ESRRB: variants seen among roughly 807,000 people sequenced by gnomAD.
The protein encoded by ESRRB is estrogen related receptor beta.
In ESRRB, 16 loss-of-function variants were observed where a neutral mutation model predicts 46.0. That is an observed-to-expected ratio of 0.35 (90% CI 0.24 to 0.53). The LOEUF is 0.53. Ranked by LOEUF, ESRRB falls within the 20% of genes least tolerant of loss-of-function variation. ESRRB has a pLI of 0.93. For missense variants in ESRRB, 488 were observed against 607.4 expected (o/e 0.80, Z 2.07); for synonymous variants, 246 against 259.6 (o/e 0.95, Z 0.50).
intron 1 of ESRRB, 103 bp from the exon 2 acceptor site, chr14:76,439,238 C>T: frequency 1.5e-6 from 2 of 1,322,180 alleles, no homozygotes; most frequent in Non-Finnish European, 2.2e-6. Flanking sequence ...CGCACCAAAG[C>T]CTTAGCATAG....
At position 76,498,170 on chromosome 14, in the gene ESRRB, C is replaced by T. The variant is rs370823314; in HGVS notation, c.1121-44C>T. On this transcript the variant is annotated intron_variant, in intron 6 of 6. Coordinates refer to ENST00000644823, the MANE Select transcript of ESRRB (RefSeq NM_001379180.1). Reference sequence around the variant, plus strand: ...CCAAGATGGCCCCCACACCAGGCAGCACTCCCTGGCCAAGCCTGCTAATGC... The same window carrying T: ...CCAAGATGGCCCCCACACCAGGCAGTACTCCCTGGCCAAGCCTGCTAATGC... The T allele has an allele frequency of 4.8e-5, 77 of 1,612,372 alleles. No homozygotes were observed. The African/African-American group carries it at 9.1e-4, about 19-fold the overall frequency.
chr14:76,334,465 C>T (rs1028538717), intron 1 of ESRRB, among the ~76,000 whole-genome samples: 11 of 152,196 alleles, frequency 7.2e-5, no homozygotes, highest in African/African-American at 2.2e-4. Flanking sequence ...CGCTCACAGC[C>T]GCCTGGGAAG....
chr14:76,379,212 A>T (rs1031482385), intron 1 of ESRRB, among the ~76,000 whole-genome samples: 1 of 152,044 alleles, frequency 6.6e-6, no homozygotes, highest in Non-Finnish European at 1.5e-5. Context: ...TACCCATTCT[A>T]ATCAATATTT....
At position 76,491,488 on chromosome 14, in the gene ESRRB, CAG is replaced by C; in HGVS notation, c.895_896del (p.Ser299CysfsTer18). The C allele has an allele frequency of 6.2e-7, 1 of 1,606,188 alleles. No homozygotes were observed. The highest frequency in any genetic ancestry group is 8.5e-7 in the Non-Finnish European group (1 of 1,176,790). On this transcript the variant is annotated frameshift_variant, in exon 6 of 7. Coordinates refer to ENST00000644823, the MANE Select transcript of ESRRB (RefSeq NM_001379180.1). LOFTEE classifies it high-confidence loss of function. ...CCTGGGGGACCAGATGAGCCTGCTG[CAG>C]AGTGCCTGGATGGAAATCCTCATCC... ...LSLGDQMSLLQSAWMEILILG... is the reference protein window; with the variant it reads ...LSLGDQMSLLXSAWMEILILG...
intron 1 of ESRRB, among the ~76,000 whole-genome samples, chr14:76,406,544 G>A (rs754141513): frequency 1.3e-5 from 2 of 152,090 alleles, no homozygotes; most frequent in African/African-American, 2.4e-5. Context: ...AGGAGTTAGA[G>A]ACCAGCCTAG....
chr14:76,379,712 G>A (rs1048925376), intron 1 of ESRRB, among the ~76,000 whole-genome samples: 14 of 152,110 alleles, frequency 9.2e-5, no homozygotes, highest in African/African-American at 2.9e-4. Flanking sequence ...GGAGGGCCCC[G>A]GTCCCGGGTA....
chr14:76,439,305 C>G, intron 1 of ESRRB, 36 bp from the exon 2 acceptor site: 2 of 1,612,862 alleles, frequency 1.2e-6, no homozygotes, highest in South Asian at 1.1e-5. Flanking sequence ...ACCCACAGCA[C>G]CTTGCTGGGG....
chr14:76,372,582 A>T (rs1165467297), upstream of ESRRB, among the ~76,000 whole-genome samples: 4 of 152,140 alleles, frequency 2.6e-5, no homozygotes, highest in African/African-American at 9.7e-5. Context: ...CTATAATTCC[A>T]GCACTTTGGG....
At chr14:76,426,923 C>T (rs1887228129) in intron 1 of ESRRB, among the ~76,000 whole-genome samples, 1 of 152,170 alleles carries the variant, frequency 6.6e-6, no homozygotes, top group Non-Finnish European at 1.5e-5. Context: ...GAATGAGTGA[C>T]AGTGTGTGAG....
At chr14:76,391,354 A>G (rs758762887) in intron 1 of ESRRB, among the ~76,000 whole-genome samples, 42 of 152,208 alleles carry the variant, frequency 2.8e-4, no homozygotes, top group Admixed American at 8.5e-4. Context: ...GACCTTTGCC[A>G]TCAGGAGGGG....
At chr14:76,324,432 C>A (rs1489380679) in intron 1 of ESRRB, among the ~76,000 whole-genome samples, 2 of 152,150 alleles carry the variant, frequency 1.3e-5, no homozygotes, top group Admixed American at 1.3e-4. Context: ...CCAGAGGGAT[C>A]TGAGCAGAGC....
In ESRRB at chr14:76,462,429, A is replaced by G. The variant is rs10137295; in HGVS notation, c.461-116A>G. On this transcript the variant is annotated intron_variant, in intron 2 of 6. Coordinates refer to ENST00000644823, the MANE Select transcript of ESRRB (RefSeq NM_001379180.1). ...ACCTCAGAGCACCTGCTTTGAGAAC[A>G]CTAGGGGGGAGTGGCAGCTCTGGCA... 235,621 of 746,678 alleles carry G rather than the reference A, an allele frequency of 0.32. 39,785 individuals carry two copies. The highest frequency in any genetic ancestry group is 0.56 in the African/African-American group (32,366 of 57,782). The allele number at this position is 746,678 out of a possible 1,614,324, so 46.3% of individuals were successfully genotyped here. A position where few individuals can be genotyped will look rare whatever the true frequency, so the allele number is the denominator to read the frequency against.
chr14:76,336,183 G>A (rs1385197913), intron 1 of ESRRB, among the ~76,000 whole-genome samples: 2 of 152,178 alleles, frequency 1.3e-5, no homozygotes, highest in Non-Finnish European at 2.9e-5. Flanking sequence ...GGGAGCCATT[G>A]CCAGGTAGGT....
At chr14:76,388,934 C>T (rs928032177) in intron 1 of ESRRB, among the ~76,000 whole-genome samples, 8 of 152,146 alleles carry the variant, frequency 5.3e-5, no homozygotes, top group Non-Finnish European at 1.0e-4. Flanking sequence ...CCTTGGTGCC[C>T]GTCTTGGATT....
chr14:76,457,221 C>T (rs1201511350), intron 2 of ESRRB, among the ~76,000 whole-genome samples: 2 of 151,960 alleles, frequency 1.3e-5, no homozygotes, highest in Non-Finnish European at 2.9e-5. Context: ...TGCCTGCCTC[C>T]TTCCCACAGG....
At chr14:76,407,219 C>G (rs1328297475) in intron 1 of ESRRB, among the ~76,000 whole-genome samples, 5 of 152,154 alleles carry the variant, frequency 3.3e-5, no homozygotes, top group Non-Finnish European at 7.3e-5. Context: ...GGGCAGAGAC[C>G]AGCGATCTGA....
At chr14:76,475,522 AT>A (rs1212249663) in intron 3 of ESRRB, among the ~76,000 whole-genome samples, 1 of 152,224 alleles carries the variant, frequency 6.6e-6, no homozygotes, top group Non-Finnish European at 1.5e-5. Context: ...ACTAAGTAAC[AT>A]TTCATGTATA....
At chr14:76,368,939 G>A (rs1036362019), upstream of ESRRB, among the ~76,000 whole-genome samples, 1 of 152,146 alleles carries the variant, frequency 6.6e-6, no homozygotes, top group Non-Finnish European at 1.5e-5. Context: ...GCTCACGCCT[G>A]TAATCCCAGC....
chr14:76,492,062 G>A (rs556942406), intron 6 of ESRRB, among the ~76,000 whole-genome samples: 2 of 152,294 alleles, frequency 1.3e-5, no homozygotes, highest in East Asian at 3.9e-4. Flanking sequence ...GTAAAAGGAG[G>A]GCAGCCAAAC....
Sources: gnomAD v4.1 joint callset for allele counts (sites outside exome capture counted in the v4.1 genomes callset) on GRCh38, gnomAD v4.1.1 for gene constraint, MANE v1.5 for transcripts, NCBI Gene and HGNC (gene_info 2026-07-23, HGNC 2026-07-21) for gene names.